The following CREB5 variants were observed in gnomAD, a reference collection of about 807,000 sequenced individuals.
CREB5 encodes cyclic AMP-responsive element-binding protein 5.
Under a neutral mutation model 57.1 loss-of-function variants are expected in CREB5, and 19 were observed. That is an observed-to-expected ratio of 0.33 (90% confidence interval 0.23 to 0.49). The LOEUF (loss-of-function observed/expected upper bound fraction) is 0.49. Ranked by LOEUF, CREB5 falls within the 20% of genes least tolerant of loss-of-function variation. The pLI, the probability that CREB5 is intolerant of heterozygous loss-of-function variation, is 0.99. For synonymous variants in CREB5, 238 were observed against 238.3 expected (o/e 1.00, Z 0.01); for missense variants, 579 against 671.6 (o/e 0.86, Z 1.52).
At chr7:28,371,335 A>G (rs527668430) in intron 1 of CREB5, among the ~76,000 whole-genome samples, 1 of 151,914 alleles carries the variant, frequency 6.6e-6, no homozygotes, top group East Asian at 1.9e-4. Flanking sequence ...AAATAAATAA[A>G]AATAAAAGCT....
chr7:28,553,630 A>G (rs1439884176), intron 4 of CREB5, among the ~76,000 whole-genome samples: 1 of 152,192 alleles, frequency 6.6e-6, no homozygotes, highest in Admixed American at 6.5e-5. Context: ...TAAGCTTTTT[A>G]TCGGAGCGTT....
chr7:28,390,720 A>G (rs1787199788), intron 1 of CREB5, among the ~76,000 whole-genome samples: 1 of 152,138 alleles, frequency 6.6e-6, no homozygotes, highest in South Asian at 2.1e-4. Context: ...ATTGTAGTAC[A>G]GTGGGGTTTT....
chr7:28,336,443 A>AC (rs1476255638), intron 1 of CREB5, among the ~76,000 whole-genome samples: 3 of 151,884 alleles, frequency 2.0e-5, no homozygotes, highest in African/African-American at 7.3e-5. Context: ...TGTGTGTAGT[A>AC]ATTTATCCAT....
chr7:28,415,617 T>C (rs1377212323), intron 1 of CREB5, among the ~76,000 whole-genome samples: 1 of 152,130 alleles, frequency 6.6e-6, no homozygotes, highest in Non-Finnish European at 1.5e-5. Flanking sequence ...TAAATTCTCC[T>C]TTTTTCATCA....
At chr7:28,410,533 G>C (rs1298076081), upstream of CREB5, 1 of 456,600 alleles carries the variant, frequency 2.2e-6, no homozygotes, top group Non-Finnish European at 4.4e-6. Context: ...TATTTTTAAG[G>C]GGCGTCTGGT....
At chr7:28,520,465 C>A (rs1032077859) in intron 4 of CREB5, among the ~76,000 whole-genome samples, 9 of 152,202 alleles carry the variant, frequency 5.9e-5, no homozygotes, top group Non-Finnish European at 1.3e-4. Context: ...CTGAAGTGAT[C>A]CCCACTTCCT....
At chr7:28,725,115 G>A (rs1803262240) in intron 7 of CREB5, among the ~76,000 whole-genome samples, 1 of 152,200 alleles carries the variant, frequency 6.6e-6, no homozygotes, top group Non-Finnish European at 1.5e-5. Flanking sequence ...ATACACTGCA[G>A]CAAACTTTCT....
At chr7:28,806,898 G>A (rs983375494) in intron 8 of CREB5, among the ~76,000 whole-genome samples, 3 of 152,198 alleles carry the variant, frequency 2.0e-5, no homozygotes, top group Non-Finnish European at 2.9e-5. Context: ...CTGGCAATAA[G>A]AGATTATAAT....
intron 7 of CREB5, among the ~76,000 whole-genome samples, chr7:28,740,640 T>C (rs984835284): frequency 1.3e-5 from 2 of 152,190 alleles, no homozygotes; most frequent in African/African-American, 2.4e-5. Context: ...AACATGATGA[T>C]GAGTGAAAAA....
chr7:28,428,700 A>G (rs2391665), intron 1 of CREB5, among the ~76,000 whole-genome samples: 72,632 of 151,952 alleles, frequency 0.48, 19,173 homozygotes, highest in African/African-American at 0.7. Flanking sequence ...GAGATGCTGA[A>G]TCAATGTGAG....
intron 1 of CREB5, among the ~76,000 whole-genome samples, chr7:28,340,675 T>A (rs1762470309): frequency 6.6e-6 from 1 of 152,204 alleles, no homozygotes; most frequent in Non-Finnish European, 1.5e-5. Flanking sequence ...ACAAGTCCAC[T>A]GGCTCTGAGC....
rs757232924 is a variant in CREB5 at position 28,724,227 on chromosome 7, G to T, written c.597G>T (p.Glu199Asp). The change falls in exon 7 of 11, where the codon GAG becomes GAT. Residue 199 changes from glutamate to aspartate, a missense_variant. Physicochemically the swap from Glu to Asp is conservative, Grantham distance 45 (BLOSUM62 2). This residue lies in a region of CREB5 where 459 missense variants were observed against 515.7 expected (regional missense o/e 0.89). Coordinates refer to ENST00000357727, the MANE Select transcript of CREB5 (RefSeq NM_182898.4). ...PGSSAVLMPM[E>D]RQMSVNSSIM... ...TTTTCTTTCCTTTCTCTTAGATGGA[G>T]CGACAAATGTCAGTGAACTCCAGCA... The T allele has an allele frequency of 1.9e-6, 3 of 1,612,638 alleles. 1 individual carries two copies. The South Asian group carries it at 3.3e-5, about 18-fold the overall frequency.
intron 1 of CREB5, among the ~76,000 whole-genome samples, chr7:28,365,574 A>G (rs1415109526): frequency 6.6e-6 from 1 of 151,886 alleles, no homozygotes; most frequent in Non-Finnish European, 1.5e-5. Flanking sequence ...GCTCTCCTTC[A>G]TGGCAACATT....
At chr7:28,718,390 T>C (rs1802820706) in intron 5 of CREB5, among the ~76,000 whole-genome samples, 1 of 152,196 alleles carries the variant, frequency 6.6e-6, no homozygotes, top group Non-Finnish European at 1.5e-5. Flanking sequence ...TACATAGATC[T>C]CAGGCTCTAA....
chr7:28,469,952 A>G (rs1790740917), intron 1 of CREB5, among the ~76,000 whole-genome samples: 1 of 152,204 alleles, frequency 6.6e-6, no homozygotes, highest in Admixed American at 6.5e-5. Flanking sequence ...AGTACATAGT[A>G]AGTATATATA....
At chr7:28,590,392 G>A (rs1290595000) in intron 5 of CREB5, among the ~76,000 whole-genome samples, 2 of 151,722 alleles carry the variant, frequency 1.3e-5, no homozygotes, top group Non-Finnish European at 2.9e-5. Context: ...CATGGATGAA[G>A]CTGGAAACCA....
chr7:28,560,866 C>CTACG (rs1795119146), intron 4 of CREB5, among the ~76,000 whole-genome samples: 3 of 50,264 alleles, frequency 6.0e-5, no homozygotes, highest in African/African-American at 2.1e-4. Context: ...GTGCGTGTGC[C>CTACG]TGCGTGCGCG....
At chr7:28,616,540 G>A (rs1426055217) in intron 5 of CREB5, among the ~76,000 whole-genome samples, 2 of 152,058 alleles carry the variant, frequency 1.3e-5, no homozygotes, top group African/African-American at 4.8e-5. Flanking sequence ...GAGGTATTGA[G>A]CAGCAGAAAA....
chr7:28,300,572 T>TA (rs1043424273), intron 1 of CREB5, among the ~76,000 whole-genome samples: 5 of 151,954 alleles, frequency 3.3e-5, no homozygotes, highest in East Asian at 1.9e-4. Context: ...ATACTAGCAG[T>TA]AAAAAAAATA....
Sources: gnomAD v4.1 joint callset for allele counts (sites outside exome capture counted in the v4.1 genomes callset) on GRCh38, gnomAD v4.1.1 for gene constraint, gnomAD v4.1.1 regional missense constraint, MANE v1.5 for transcripts, NCBI Gene and HGNC (gene_info 2026-07-23, HGNC 2026-07-21) for gene names.